The following AOPEP variants were observed in gnomAD, a reference collection of about 807,000 sequenced individuals.
AOPEP encodes aminopeptidase O.
Under a neutral mutation model 98.1 loss-of-function variants are expected in AOPEP, and 77 were observed. The ratio of observed to expected loss-of-function variants is 0.78; its 90% CI spans 0.65 to 0.95. The LOEUF (loss-of-function observed/expected upper bound fraction) is 0.95, where lower values mean the gene tolerates loss of function less well. Ranked by LOEUF, AOPEP falls within the 40% of genes least tolerant of loss-of-function variation. AOPEP has a pLI of 0.00. For synonymous variants in AOPEP, 346 were observed against 365.3 expected (o/e 0.95, Z 0.60); for missense variants, 1,024 against 1,024.7 (o/e 1.00, Z 0.01).
chr9:94,983,244 C>T (rs931618415), intron 11 of AOPEP, among the ~76,000 whole-genome samples: 4 of 152,054 alleles, frequency 2.6e-5, no homozygotes, highest in East Asian at 3.9e-4. Context: ...AGGCTGGTCT[C>T]GAACTCCTGA....
the AOPEP span, among the ~76,000 whole-genome samples, chr9:95,132,192 C>T: frequency 6.6e-6 from 1 of 152,302 alleles, no homozygotes; most frequent in East Asian, 1.9e-4. Context: ...GCATGAGAAT[C>T]GGGTACCTTC....
chr9:94,904,508 T>A (rs948661657), intron 5 of AOPEP: 1 of 152,252 alleles, frequency 6.6e-6, no homozygotes, highest in African/African-American at 2.4e-5. Context: ...AATGGGATAG[T>A]TTCAGTTAAA....
At chr9:94,906,484 A>ATAATAATAAT (rs201137956) in intron 5 of AOPEP, among the ~76,000 whole-genome samples, 3 of 79,766 alleles carry the variant, frequency 3.8e-5, no homozygotes, top group African/African-American at 5.6e-5. Flanking sequence ...AATAATAATA[A>ATAATAATAAT]AAAAACAGAC....
chr9:94,872,034 C>T (rs531394254), intron 5 of AOPEP, among the ~76,000 whole-genome samples: 1 of 152,080 alleles, frequency 6.6e-6, no homozygotes, highest in African/African-American at 2.4e-5. Context: ...ACGAAATTTT[C>T]CTCCTAGTTT....
the AOPEP span, chr9:95,135,571 T>TCA: frequency 7.2e-7 from 1 of 1,388,384 alleles, no homozygotes; most frequent in Non-Finnish European, 1.0e-6. Flanking sequence ...TAAAAAAAGT[T>TCA]CAAAATGCAA....
chr9:95,031,247 T>G (rs913853336), intron 13 of AOPEP, among the ~76,000 whole-genome samples: 11 of 152,228 alleles, frequency 7.2e-5, no homozygotes, highest in Non-Finnish European at 1.2e-4. Flanking sequence ...TTTCTCTGCA[T>G]TTACCAGTAT....
intron 5 of AOPEP, among the ~76,000 whole-genome samples, chr9:94,817,997 G>C (rs1409837016): frequency 6.6e-6 from 1 of 152,170 alleles, no homozygotes; most frequent in African/African-American, 2.4e-5. Context: ...TCCAGCCACT[G>C]CACAGTACAA....
intron 2 of AOPEP, among the ~76,000 whole-genome samples, chr9:94,762,826 C>T (rs1489403163): frequency 6.6e-6 from 1 of 151,990 alleles, no homozygotes; most frequent in Non-Finnish European, 1.5e-5. Flanking sequence ...ATGTTAAGGA[C>T]TTTAAAATGA....
intron 5 of AOPEP, among the ~76,000 whole-genome samples, chr9:94,882,449 C>T (rs77967706): frequency 0.012 from 1,801 of 152,224 alleles, 36 homozygotes; most frequent in African/African-American, 0.041. Flanking sequence ...TTTTCTAATA[C>T]GCCTCCCAAC....
chr9:95,110,939 G>A, the AOPEP span: 3 of 1,342,286 alleles, frequency 2.2e-6, no homozygotes, highest in South Asian at 3.8e-5. Flanking sequence ...TTTTTCAGAA[G>A]CAAAGTGGTT....
At position 95,085,869 on chromosome 9, in the gene AOPEP, C is replaced by T. The variant is rs561114093; in HGVS notation, c.*5-813C>T. On this transcript the variant is annotated intron_variant, in intron 16 of 16. Coordinates refer to ENST00000375315, the MANE Select transcript of AOPEP (RefSeq NM_001193329.3). ...GCTCATGGCTGTGAGCGGGGCGGGG[C>T]GGGGCTTTCGGAGGAGCTCCTGTTG... The T allele has an allele frequency of 1.2e-3, 1,414 of 1,184,748 alleles. 26 individuals are homozygous for T. The highest frequency in any genetic ancestry group is 1.2e-3 in the East Asian group (21 of 16,882). The allele number at this position is 1,184,748 out of a possible 1,614,324, so 73.4% of individuals were successfully genotyped here. A position where few individuals can be genotyped will look rare whatever the true frequency, so the allele number is the denominator to read the frequency against.
chr9:94,857,375 A>T (rs1242700088), intron 5 of AOPEP, among the ~76,000 whole-genome samples: 1 of 152,206 alleles, frequency 6.6e-6, no homozygotes, highest in Non-Finnish European at 1.5e-5. Flanking sequence ...ACAGCTTTGG[A>T]AATTTCCGAT....
At chr9:94,922,165 G>C (rs2053713515) in intron 5 of AOPEP, among the ~76,000 whole-genome samples, 1 of 152,206 alleles carries the variant, frequency 6.6e-6, no homozygotes, top group African/African-American at 2.4e-5. Flanking sequence ...GGCCCTCGCA[G>C]ACTTTTATAT....
At chr9:94,813,035 A>C (rs1850952839) in intron 5 of AOPEP, among the ~76,000 whole-genome samples, 1 of 152,096 alleles carries the variant, frequency 6.6e-6, no homozygotes, top group South Asian at 2.1e-4. Flanking sequence ...AAAGGGGACA[A>C]GGAGTGGGCT....
At chr9:95,074,675 A>G (rs1310618312) in intron 14 of AOPEP, among the ~76,000 whole-genome samples, 3 of 152,230 alleles carry the variant, frequency 2.0e-5, no homozygotes, top group Non-Finnish European at 4.4e-5. Context: ...GTGTTGTGCA[A>G]AAGTCAACTT....
At chr9:94,797,955 T>C (rs560888348) in intron 4 of AOPEP, among the ~76,000 whole-genome samples, 3 of 152,160 alleles carry the variant, frequency 2.0e-5, no homozygotes, top group Non-Finnish European at 4.4e-5. Context: ...CCACCTACCT[T>C]AGCCTCCCAA....
chr9:95,085,606 G>A (rs374586057), intron 16 of AOPEP: 6 of 411,976 alleles, frequency 1.5e-5, no homozygotes, highest in African/African-American at 1.3e-4. Flanking sequence ...GGCCGCTGCT[G>A]CACAGTCAGC....
intron 5 of AOPEP, among the ~76,000 whole-genome samples, chr9:94,828,606 A>G (rs1855184208): frequency 6.6e-6 from 1 of 152,184 alleles, no homozygotes; most frequent in African/African-American, 2.4e-5. Flanking sequence ...TTGAGAAGGT[A>G]GACTTTTGGA....
At chr9:94,737,469 G>C (rs901660230) in intron 1 of AOPEP, among the ~76,000 whole-genome samples, 1 of 152,152 alleles carries the variant, frequency 6.6e-6, no homozygotes, top group African/African-American at 2.4e-5. Flanking sequence ...ATCTAGTCCA[G>C]TGTCTGATGG....
Sources: gnomAD v4.1 joint callset for allele counts (sites outside exome capture counted in the v4.1 genomes callset) on GRCh38, gnomAD v4.1.1 for gene constraint, MANE v1.5 for transcripts, NCBI Gene and HGNC (gene_info 2026-07-23, HGNC 2026-07-21) for gene names.